CLIP2: variants seen among roughly 807,000 people sequenced by gnomAD.
CLIP2 encodes the protein CAP-Gly domain containing linker protein 2.
A neutral mutation model predicts 111.7 loss-of-function variants in CLIP2; 41 were observed. The ratio of observed to expected loss-of-function variants is 0.37; its 90% CI spans 0.29 to 0.48. The LOEUF is 0.48. Ranked by LOEUF, CLIP2 falls within the 20% of genes least tolerant of loss-of-function variation. The pLI, the probability that CLIP2 is intolerant of heterozygous loss-of-function variation, is 0.99. For missense variants in CLIP2, 1,160 were observed against 1,422.1 expected (o/e 0.82, Z 2.96); for synonymous variants, 660 against 644.2 (o/e 1.02, Z -0.37).
intron 7 of CLIP2, among the ~76,000 whole-genome samples, chr7:74,362,609 C>A (rs527476306): frequency 2.2e-4 from 30 of 138,886 alleles, no homozygotes; most frequent in African/African-American, 8.2e-4. Flanking sequence ...GATCTCGGCT[C>A]ACTGCAACCT....
At chr7:74,395,772 G>A (rs1309913442) in intron 13 of CLIP2, among the ~76,000 whole-genome samples, 3 of 152,174 alleles carry the variant, frequency 2.0e-5, no homozygotes, top group Admixed American at 6.6e-5. Flanking sequence ...TGACAGTGAT[G>A]TCACATCCAT....
At chr7:74,319,813 C>T (rs541448851) in intron 2 of CLIP2, among the ~76,000 whole-genome samples, 2 of 99,630 alleles carry the variant, frequency 2.0e-5, no homozygotes, top group East Asian at 5.6e-4. Flanking sequence ...AGAGTGAGAC[C>T]CTAAAAAAAA....
intron 1 of CLIP2, among the ~76,000 whole-genome samples, chr7:74,307,411 A>G (rs1788524677): frequency 1.3e-5 from 2 of 152,234 alleles, no homozygotes; most frequent in Admixed American, 1.3e-4. Flanking sequence ...CACCTGTCAG[A>G]GGACCTCTGC....
intron 13 of CLIP2, among the ~76,000 whole-genome samples, chr7:74,390,144 G>A: frequency 3.5e-5 from 2 of 57,420 alleles, no homozygotes; most frequent in Non-Finnish European, 6.6e-5. Context: ...GAGAAAGAAA[G>A]AAAGAAAAAG....
At chr7:74,341,124 T>C (rs1554305302) in intron 3 of CLIP2, among the ~76,000 whole-genome samples, 3 of 152,146 alleles carry the variant, frequency 2.0e-5, no homozygotes, top group Admixed American at 6.6e-5. Context: ...GATGCTGCGA[T>C]GTGGTTTTAT....
At chr7:74,384,554 T>A in intron 11 of CLIP2, among the ~76,000 whole-genome samples, 1 of 149,184 alleles carries the variant, frequency 6.7e-6, no homozygotes, top group East Asian at 2.2e-4. Context: ...CAAGCGATTC[T>A]CCTGCCTCAG....
chr7:74,378,526 G>A (rs1295586593), intron 10 of CLIP2, among the ~76,000 whole-genome samples: 1 of 152,054 alleles, frequency 6.6e-6, no homozygotes, highest in Non-Finnish European at 1.5e-5. Context: ...GATTGCTTCA[G>A]GCCAGGAGTT....
chr7:74,401,618 C>A, intron 16 of CLIP2, 51 bp downstream of exon 16: 1 of 1,558,538 alleles, frequency 6.4e-7, no homozygotes, highest in African/African-American at 1.4e-5. Context: ...GCAGACCTCT[C>A]TGGAGAAAAT....
At chr7:74,340,338 G>A (rs1789623316) in intron 3 of CLIP2, among the ~76,000 whole-genome samples, 1 of 152,126 alleles carries the variant, frequency 6.6e-6, no homozygotes, top group African/African-American at 2.4e-5. Context: ...AGAGGTTTCA[G>A]TGAGCCGAGA....
intron 1 of CLIP2, among the ~76,000 whole-genome samples, chr7:74,313,927 A>G (rs991009812): frequency 1.3e-5 from 2 of 152,188 alleles, no homozygotes; most frequent in African/African-American, 2.4e-5. Flanking sequence ...TCATGCCTGT[A>G]ATCCCAGCAC....
rs71558527 is a variant in CLIP2, at chr7:74,291,390, C to T, written c.-68+1656C>T. ...ACTCCAAGGAGCAGTAATCGCTTTCCGGCATCTGCTGTCTACCTTGGCGGT... is the reference window on the plus strand; with the variant it reads ...ACTCCAAGGAGCAGTAATCGCTTTCTGGCATCTGCTGTCTACCTTGGCGGT... On this transcript the variant is annotated intron_variant, in intron 1 of 16. Transcript: ENST00000223398. 8.7e-3 allele frequency among the ~76,000 whole-genome samples: 1,320 copies of T among 152,318 alleles called. 11 individuals carry two copies. Among genetic ancestry groups the T allele is most frequent in the Non-Finnish European group, 0.014 (926 of 68,030 alleles).
At chr7:74,313,275 AGCCTCCAGCTGGAGTGGCTCAC>A (rs1312194636) in intron 1 of CLIP2, among the ~76,000 whole-genome samples, 1 of 151,970 alleles carries the variant, frequency 6.6e-6, no homozygotes, top group Non-Finnish European at 1.5e-5. Flanking sequence ...ACTGCACTCC[AGCCTCCAGCTGGAGTGGCTCAC>A]GCCTGTAATT....
intron 1 of CLIP2, among the ~76,000 whole-genome samples, chr7:74,290,041 C>T (rs1271129662): frequency 1.3e-5 from 2 of 152,322 alleles, no homozygotes; most frequent in South Asian, 4.1e-4. Context: ...GGTCCCTACC[C>T]TCGGACGGGG....
rs781783916 is a variant in CLIP2, at chr7:74,376,678, C to T, written c.2277C>T (p.Ala759=). The T allele has an allele frequency of 3.2e-5, 51 of 1,613,230 alleles. No homozygotes were observed. In the East Asian group the frequency reaches 7.4e-4, roughly 23 times the overall value. ...TCCTCAAGGAGCAGATCTCGCTGGC[C>T]GAGAAGAAGATGTTGGACTACGAGC... is the stretch of plus-strand genomic sequence containing the variant. The part of the protein sequence containing the change: ...IEFLKEQISL[A]EKKMLDYERL... The change falls in exon 10 of 17, where the codon GCC becomes GCT. Residue 759 remains alanine, a synonymous_variant. Transcript: ENST00000223398. The surrounding 1 kb of genome is among the most constrained non-coding windows in gnomAD (Gnocchi z 7.1).
intron 3 of CLIP2, among the ~76,000 whole-genome samples, chr7:74,350,890 GAAGGAAGGAAGA>G (rs1477301555): frequency 1.4e-5 from 2 of 145,926 alleles, no homozygotes; most frequent in East Asian, 2.1e-4. Flanking sequence ...GAGAGAGAAA[GAAGGAAGGAAGA>G]AAGGAAGGAA....
intron 13 of CLIP2, among the ~76,000 whole-genome samples, chr7:74,394,242 CTTATTTTTT>C (rs1235137552): frequency 1.7e-5 from 2 of 119,736 alleles, no homozygotes; most frequent in African/African-American, 3.1e-5. Flanking sequence ...TCTTTTTCTT[CTTATTTTTT>C]TTTTTTTTTT....
chr7:74,375,867 G>C lies in CLIP2; in HGVS notation c.1486-20G>C. ...CCAGCCAGCCAGCCCGCTGATCCCT[G>C]TCTCCCTCTCTCCCCACAGCTGACC... On this transcript the variant is annotated intron_variant, in intron 9 of 16. Transcript: ENST00000223398. The C allele has an allele frequency of 6.7e-7, 1 of 1,489,996 alleles. No individual in the cohort carries two copies. Among genetic ancestry groups the C allele is most frequent in the Non-Finnish European group, 8.9e-7 (1 of 1,117,874 alleles). 92.3% of individuals were successfully genotyped at this position (1,489,996 alleles called of 1,614,324 possible).
At chr7:74,299,622 C>T (rs1441951057) in intron 1 of CLIP2, among the ~76,000 whole-genome samples, 2 of 152,202 alleles carry the variant, frequency 1.3e-5, no homozygotes, top group African/African-American at 2.4e-5. Context: ...TGGGCTCAGC[C>T]TCTTCCCCAG....
At chr7:74,384,407 A>G (rs1317368025) in intron 11 of CLIP2, among the ~76,000 whole-genome samples, 2 of 149,412 alleles carry the variant, frequency 1.3e-5, no homozygotes, top group African/African-American at 5.0e-5. Flanking sequence ...GCTTTGGGGT[A>G]TATACCTAGA....
Sources: allele counts gnomAD v4.1 joint callset (sites outside exome capture counted in the v4.1 genomes callset), GRCh38; gene constraint gnomAD v4.1.1; non-coding constraint Gnocchi (gnomAD v3.1); transcripts MANE v1.5; gene names NCBI Gene and HGNC (gene_info 2026-07-23, HGNC 2026-07-21).